Variants in NIPSNAP2 observed in about 807,000 individuals in gnomAD.
NIPSNAP2 encodes nipsnap homolog 2.
Under a neutral mutation model 48.4 loss-of-function variants are expected in NIPSNAP2, and 42 were observed. The ratio of observed to expected loss-of-function variants is 0.87; its 90% CI spans 0.68 to 1.12. The LOEUF (loss-of-function observed/expected upper bound fraction) is 1.12, where lower values mean the gene tolerates loss of function less well. NIPSNAP2 is among the 50% of genes most tolerant of loss of function. NIPSNAP2 has a pLI of 0.00. For missense variants in NIPSNAP2, 314 were observed against 347.3 expected, an observed-to-expected ratio of 0.90 and a Z score of 0.76; for synonymous variants, 158 against 126.6, an observed-to-expected ratio of 1.25 and a Z score of -1.67.
At chr7:55,988,968 G>C (rs543552154) in intron 7 of NIPSNAP2, among the ~76,000 whole-genome samples, 19 of 152,264 alleles carry the variant, frequency 1.2e-4, no homozygotes, top group African/African-American at 4.1e-4. Flanking sequence ...GTGTATAAGT[G>C]TTTCTTATAC....
chr7:55,994,641 A>G (rs1787520472), intron 7 of NIPSNAP2, among the ~76,000 whole-genome samples: 1 of 152,180 alleles, frequency 6.6e-6, no homozygotes, highest in South Asian at 2.1e-4. Context: ...CGAACCCAGG[A>G]GGTGGAGGTT....
intron 4 of NIPSNAP2, chr7:55,981,968 A>C (rs947627480): frequency 8.8e-6 from 3 of 340,796 alleles, no homozygotes; most frequent in South Asian, 9.4e-5. Flanking sequence ...CACCACACCC[A>C]GGTAATTTTT....
chr7:55,983,731 T>C lies in NIPSNAP2; in HGVS notation c.448T>C (p.Phe150Leu). The change falls in exon 6 of 10, where the codon TTT (phenylalanine) becomes CTT (leucine). Residue 150 changes from phenylalanine to leucine, a missense_variant. Physicochemically the swap from Phe to Leu is conservative, Grantham distance 22 (BLOSUM62 0). Around this residue, in one of 2 missense-constraint regions of NIPSNAP2, gnomAD observed 198 missense variants for 185.5 expected, o/e 1.07. Transcript: ENST00000322090. ...VMNKLRENKE[F>L]LEFRKARSDM... Reference sequence around the variant, plus strand: ...AGCACATTTTTTTCACTCAAAGGAATTTTTGGAATTTCGTAAGGCAAGAAG... The same window carrying C: ...AGCACATTTTTTTCACTCAAAGGAACTTTTGGAATTTCGTAAGGCAAGAAG... The C allele has an allele frequency of 1.2e-6, 2 of 1,613,138 alleles. No individual in the cohort carries two copies.
chr7:55,990,522 T>G (rs1447822075), intron 7 of NIPSNAP2, among the ~76,000 whole-genome samples: 2 of 151,994 alleles, frequency 1.3e-5, no homozygotes, highest in Non-Finnish European at 2.9e-5. Flanking sequence ...TGAGCCACCG[T>G]GCCTAGCCTG....
At chr7:55,973,573 C>T (rs935768894) in intron 1 of NIPSNAP2, among the ~76,000 whole-genome samples, 6 of 152,042 alleles carry the variant, frequency 3.9e-5, no homozygotes, top group African/African-American at 1.2e-4. Context: ...CTCCTGGGTT[C>T]AAGCGATTCT....
intron 7 of NIPSNAP2, among the ~76,000 whole-genome samples, chr7:55,986,723 G>A (rs1185305568): frequency 4.7e-5 from 7 of 150,100 alleles, no homozygotes; most frequent in Non-Finnish European, 7.4e-5. Flanking sequence ...AAAAAGACAA[G>A]TCATATACTG....
At chr7:55,990,912 C>G (rs1787431370) in intron 7 of NIPSNAP2, among the ~76,000 whole-genome samples, 1 of 151,908 alleles carries the variant, frequency 6.6e-6, no homozygotes. Context: ...CTCAGCCTCC[C>G]AAGTAGTTGG....
intron 1 of NIPSNAP2, among the ~76,000 whole-genome samples, chr7:55,975,712 A>G (rs1487704430): frequency 6.6e-6 from 1 of 151,876 alleles, no homozygotes; most frequent in Non-Finnish European, 1.5e-5. Context: ...GATGAGGGAA[A>G]CGCTGTTTGT....
chr7:55,990,377 A>G (rs771681335), intron 7 of NIPSNAP2, among the ~76,000 whole-genome samples: 1 of 151,692 alleles, frequency 6.6e-6, no homozygotes, highest in Non-Finnish European at 1.5e-5. Flanking sequence ...TACAGGCACC[A>G]GCCATCACAC....
chr7:55,974,360 CTAT>C (rs748815669), intron 1 of NIPSNAP2, among the ~76,000 whole-genome samples: 3 of 151,828 alleles, frequency 2.0e-5, no homozygotes, highest in Admixed American at 1.3e-4. Context: ...ATAGGAATTT[CTAT>C]TATTGTAGTA....
intron 8 of NIPSNAP2, among the ~76,000 whole-genome samples, chr7:55,996,645 C>G (rs1467655378): frequency 2.0e-5 from 3 of 152,156 alleles, no homozygotes; most frequent in Non-Finnish European, 4.4e-5. Flanking sequence ...TGTGGTCTCA[C>G]AGTTTCTGGT....
intron 6 of NIPSNAP2, among the ~76,000 whole-genome samples, chr7:55,984,192 G>A (rs1787280096): frequency 6.6e-6 from 1 of 152,164 alleles, no homozygotes; most frequent in African/African-American, 2.4e-5. Context: ...TAAACACTGT[G>A]ACTGTTGAAC....
At chr7:55,981,383 G>T (rs1301911157) in intron 3 of NIPSNAP2, 90 bp from the exon 4 acceptor site, 2 of 813,476 alleles carry the variant, frequency 2.5e-6, no homozygotes, top group African/African-American at 1.7e-5. Context: ...CACAGAGTAG[G>T]TGGTCTTTTT....
intron 7 of NIPSNAP2, chr7:55,991,781 T>TATATATAA (rs1163585467): frequency 4.4e-6 from 1 of 225,658 alleles, no homozygotes; most frequent in Non-Finnish European, 8.6e-6. Context: ...TATATATATA[T>TATATATAA]AATTTATAAA....
At chr7:55,973,900 A>G (rs1376719152) in intron 1 of NIPSNAP2, among the ~76,000 whole-genome samples, 2 of 152,158 alleles carry the variant, frequency 1.3e-5, no homozygotes, top group Non-Finnish European at 2.9e-5. Flanking sequence ...CATATTGGGG[A>G]GAAGATTGCT....
intron 1 of NIPSNAP2, 62 bp from the exon 2 acceptor site, chr7:55,978,064 A>AGATTAACTGATG: frequency 1.3e-6 from 2 of 1,579,760 alleles, no homozygotes; most frequent in South Asian, 2.3e-5. Flanking sequence ...TGTGTTTGCC[A>AGATTAACTGATG]GATTAACTGA....
At chr7:55,996,470 T>C (rs1222930377) in intron 8 of NIPSNAP2, among the ~76,000 whole-genome samples, 1 of 152,042 alleles carries the variant, frequency 6.6e-6, no homozygotes, top group Non-Finnish European at 1.5e-5. Context: ...TCCCATTGCT[T>C]GCCCTGCTCC....
In NIPSNAP2 at chr7:55,983,771, C is replaced by T; in HGVS notation, c.488C>T (p.Ser163Phe). Residue 163 changes from serine (S) to phenylalanine (F), a missense_variant, in exon 6 of 10, where the codon TCC becomes TTC. Physicochemically the swap from Ser to Phe is radical, Grantham distance 155. This residue lies in a region of NIPSNAP2 where 116 missense variants were observed against 161.8 expected (regional missense o/e 0.72). Transcript: ENST00000322090. ...AAGGCAAGAAGTGACATGCTTCTCT[C>T]CAGGAAGAATCAGCTCCTGTTGGAG... ...FRKARSDMLL[S>F]RKNQLLLEFS... 1 of 1,614,060 alleles carries T rather than the reference C, an allele frequency of 6.2e-7. No individual in the cohort carries two copies. The highest frequency in any genetic ancestry group is 1.3e-5 in the African/African-American group (1 of 75,028).
At position 55,984,842 on chromosome 7, in the gene NIPSNAP2, T is replaced by C; in HGVS notation, c.586-5T>C. 1 of 1,608,884 alleles carries C rather than the reference T, an allele frequency of 6.2e-7. No individual in the cohort carries two copies. On this transcript the variant is annotated splice_polypyrimidine_tract_variant and splice_region_variant and intron_variant, in intron 6 of 9. Coordinates refer to ENST00000322090, the MANE Select transcript of NIPSNAP2 (RefSeq NM_001483.3). Reference sequence around the variant, plus strand: ...CTAACAAACCAAATCTAAATCTGTTTTCAGCCAGGAACCATGATTGAATGG... The same window carrying C: ...CTAACAAACCAAATCTAAATCTGTTCTCAGCCAGGAACCATGATTGAATGG...
Sources: gnomAD v4.1 joint callset for allele counts (sites outside exome capture counted in the v4.1 genomes callset) on GRCh38, gnomAD v4.1.1 for gene constraint, gnomAD v4.1.1 regional missense constraint, MANE v1.5 for transcripts, NCBI Gene and HGNC (gene_info 2026-07-23, HGNC 2026-07-21) for gene names.